The following LCOR variants were observed in gnomAD, a reference collection of about 807,000 sequenced individuals.
LCOR encodes ligand-dependent corepressor.
In LCOR, 14 loss-of-function variants were observed where a neutral mutation model predicts 64.4. The ratio of observed to expected loss-of-function variants is 0.22; its 90% CI spans 0.14 to 0.34. The LOEUF (loss-of-function observed/expected upper bound fraction) is 0.34, where lower values mean the gene tolerates loss of function less well. LCOR is among the 10% of genes least tolerant of loss of function. The pLI is 1.00. For synonymous variants in LCOR, 643 were observed against 642.5 expected, an observed-to-expected ratio of 1.00 and a Z score of -0.01; for missense variants, 1,686 against 1,765.3, an observed-to-expected ratio of 0.96 and a Z score of 0.80.
chr10:96,897,640 ATCTT>A (rs1200341880), intron 2 of LCOR, among the ~76,000 whole-genome samples: 1 of 152,184 alleles, frequency 6.6e-6, no homozygotes, highest in Admixed American at 6.5e-5. Flanking sequence ...TACTCAGTAT[ATCTT>A]TCTTTTCCCT....
intron 2 of LCOR, among the ~76,000 whole-genome samples, chr10:96,856,935 A>C (rs1451936935): frequency 6.6e-6 from 1 of 152,126 alleles, no homozygotes; most frequent in Non-Finnish European, 1.5e-5. Context: ...TGTACTAGAA[A>C]GGAATAGTAG....
At chr10:96,949,719 G>T (rs1416404255) in intron 6 of LCOR, among the ~76,000 whole-genome samples, 1 of 152,174 alleles carries the variant, frequency 6.6e-6, no homozygotes, top group Non-Finnish European at 1.5e-5. Flanking sequence ...CTCTGCAAAT[G>T]AGATCATAAG....
chr10:96,934,166 T>C (rs1223502783), intron 4 of LCOR, among the ~76,000 whole-genome samples: 1 of 152,212 alleles, frequency 6.6e-6, no homozygotes, highest in Non-Finnish European at 1.5e-5. Flanking sequence ...AATAAGATGG[T>C]AATAAGCTTT....
At chr10:96,937,141 G>T (rs1847365156) in intron 4 of LCOR, among the ~76,000 whole-genome samples, 1 of 152,174 alleles carries the variant, frequency 6.6e-6, no homozygotes, top group African/African-American at 2.4e-5. Flanking sequence ...AGGAGAAAGA[G>T]ACTTGGAGAC....
intron 7 of LCOR, chr10:96,957,486 A>G (rs1157709819): frequency 1.0e-6 from 1 of 985,304 alleles, no homozygotes; most frequent in Admixed American, 6.2e-5. Context: ...AACAAATTCC[A>G]CACCACATGT....
At chr10:96,846,403 C>T (rs1845630950) in intron 2 of LCOR, among the ~76,000 whole-genome samples, 1 of 152,076 alleles carries the variant, frequency 6.6e-6, no homozygotes, top group African/African-American at 2.4e-5. Context: ...CAGGTGTGTA[C>T]CACCATGCCT....
At chr10:96,885,006 T>TTA (rs1846319186) in intron 2 of LCOR, among the ~76,000 whole-genome samples, 1 of 152,188 alleles carries the variant, frequency 6.6e-6, no homozygotes, top group African/African-American at 2.4e-5. Flanking sequence ...ATTTTATCCA[T>TTA]TATATATAGT....
At chr10:96,833,723 A>C (rs1414921024) in intron 2 of LCOR, among the ~76,000 whole-genome samples, 1 of 152,218 alleles carries the variant, frequency 6.6e-6, no homozygotes, top group African/African-American at 2.4e-5. Flanking sequence ...TCCCGGCAGA[A>C]TCTAGGAGAG....
At chr10:96,861,388 A>T (rs896462602) in intron 2 of LCOR, among the ~76,000 whole-genome samples, 2 of 152,154 alleles carry the variant, frequency 1.3e-5, no homozygotes, top group Non-Finnish European at 2.9e-5. Context: ...TGAGTGTGGG[A>T]AAACAAAATC....
chr10:96,972,883 A>G (rs17112250), intron 7 of LCOR, among the ~76,000 whole-genome samples: 6,649 of 152,230 alleles, frequency 0.044, 223 homozygotes, highest in East Asian at 0.18. Context: ...AACATGGTAA[A>G]CTTAGCAATT....
intron 5 of LCOR, among the ~76,000 whole-genome samples, chr10:96,945,290 T>C (rs759442534): frequency 5.9e-5 from 9 of 152,198 alleles, no homozygotes; most frequent in African/African-American, 9.6e-5. Context: ...TTCTTTACAG[T>C]TGGACACTAG....
At chr10:96,884,997 T>C (rs1846319057) in intron 2 of LCOR, among the ~76,000 whole-genome samples, 1 of 152,172 alleles carries the variant, frequency 6.6e-6, no homozygotes, top group Non-Finnish European at 1.5e-5. Context: ...TTATCACATA[T>C]TTTATCCATT....
chr10:96,890,574 C>G (rs933003181), intron 2 of LCOR, among the ~76,000 whole-genome samples: 1 of 151,992 alleles, frequency 6.6e-6, no homozygotes, highest in African/African-American at 2.4e-5. Flanking sequence ...TTCTAACCAC[C>G]CTTGCTAGAA....
At chr10:96,967,890 A>G (rs1847965077) in intron 7 of LCOR, among the ~76,000 whole-genome samples, 1 of 152,150 alleles carries the variant, frequency 6.6e-6, no homozygotes, top group Non-Finnish European at 1.5e-5. Context: ...TTAGAGCACT[A>G]AGGGTCTTGG....
At chr10:96,891,779 G>A (rs1846448978) in intron 2 of LCOR, among the ~76,000 whole-genome samples, 1 of 151,946 alleles carries the variant, frequency 6.6e-6, no homozygotes, top group Non-Finnish European at 1.5e-5. Flanking sequence ...CCTGACCTCA[G>A]GTGATCACCT....
At chr10:96,962,804 A>G (rs907969161) in intron 7 of LCOR, 3 of 152,172 alleles carry the variant, frequency 2.0e-5, no homozygotes, top group African/African-American at 7.2e-5. Context: ...GTGTTTGCAT[A>G]TAATTCTTTA....
At chr10:96,975,999 C>G (rs1050431487) in intron 7 of LCOR, among the ~76,000 whole-genome samples, 2 of 152,092 alleles carry the variant, frequency 1.3e-5, no homozygotes, top group Non-Finnish European at 2.9e-5. Context: ...TAGGCAACAA[C>G]AGCGAAACAC....
chr10:96,861,120 G>A (rs904406192), intron 2 of LCOR, among the ~76,000 whole-genome samples: 1 of 152,182 alleles, frequency 6.6e-6, no homozygotes, highest in Non-Finnish European at 1.5e-5. Flanking sequence ...TTTATAGAAA[G>A]TGGGTATCTT....
intron 2 of LCOR, among the ~76,000 whole-genome samples, chr10:96,899,781 T>TA (rs1846602233): frequency 6.6e-6 from 1 of 152,152 alleles, no homozygotes; most frequent in African/African-American, 2.4e-5. Flanking sequence ...AATTTCGGCT[T>TA]AAAATCATAA....
Sources: allele counts gnomAD v4.1 joint callset (sites outside exome capture counted in the v4.1 genomes callset), GRCh38; gene constraint gnomAD v4.1.1; transcripts MANE v1.5; gene names NCBI Gene and HGNC (gene_info 2026-07-23, HGNC 2026-07-21).